Variants in COL19A1 observed in about 807,000 individuals in gnomAD.
COL19A1 encodes the protein collagen type XIX alpha 1 chain.
Under a neutral mutation model 190.2 loss-of-function variants are expected in COL19A1, and 159 were observed. The ratio of observed to expected loss-of-function variants is 0.84; its 90% CI spans 0.73 to 0.95. The LOEUF is 0.95. COL19A1 is among the 40% of genes least tolerant of loss of function. The pLI is 0.00. For missense variants in COL19A1, 1,418 were observed against 1,431.9 expected (o/e 0.99, Z 0.16); for synonymous variants, 509 against 458.9 (o/e 1.11, Z -1.39).
At chr6:70,039,542 C>T (rs1779529090) in intron 14 of COL19A1, among the ~76,000 whole-genome samples, 1 of 152,156 alleles carries the variant, frequency 6.6e-6, no homozygotes, top group Non-Finnish European at 1.5e-5. Context: ...ACACAGAATT[C>T]CAGAAATTCT....
intron 44 of COL19A1, among the ~76,000 whole-genome samples, chr6:70,182,184 C>T (rs1766217220): frequency 6.6e-6 from 1 of 152,104 alleles, no homozygotes; most frequent in Non-Finnish European, 1.5e-5. Context: ...GTGGAAACAG[C>T]CATGAGTAGA....
At chr6:69,979,486 G>A (rs1303556734) in intron 11 of COL19A1, among the ~76,000 whole-genome samples, 1 of 151,744 alleles carries the variant, frequency 6.6e-6, no homozygotes, top group Non-Finnish European at 1.5e-5. Flanking sequence ...AGATCTTCAA[G>A]TAAAATAGGA....
intron 2 of COL19A1, among the ~76,000 whole-genome samples, chr6:69,893,036 C>T (rs1376382562): frequency 6.6e-6 from 1 of 152,188 alleles, no homozygotes; most frequent in Non-Finnish European, 1.5e-5. Context: ...GTATACCTTA[C>T]TCAATTATTA....
At chr6:70,109,277 T>G (rs1184633155) in intron 16 of COL19A1, among the ~76,000 whole-genome samples, 1 of 152,130 alleles carries the variant, frequency 6.6e-6, no homozygotes, top group Non-Finnish European at 1.5e-5. Flanking sequence ...CAGAAGACAT[T>G]CCTTGAGAAG....
chr6:70,095,551 A>T (rs1419543121), intron 15 of COL19A1, among the ~76,000 whole-genome samples: 2 of 152,216 alleles, frequency 1.3e-5, no homozygotes, highest in African/African-American at 4.8e-5. Context: ...TATATAACAT[A>T]AAATGTACCA....
At chr6:69,986,765 G>T (rs1776338441) in intron 11 of COL19A1, among the ~76,000 whole-genome samples, 1 of 152,116 alleles carries the variant, frequency 6.6e-6, no homozygotes, top group South Asian at 2.1e-4. Context: ...TATTTAGAAA[G>T]CCACTGAGCT....
intron 4 of COL19A1, among the ~76,000 whole-genome samples, chr6:69,909,824 A>G (rs144762208): frequency 0.016 from 2,376 of 152,272 alleles, 27 homozygotes; most frequent in Non-Finnish European, 0.025. Flanking sequence ...CATTCAAAAT[A>G]GGTAATAGGC....
chr6:69,953,544 A>G (rs969931056), intron 9 of COL19A1, among the ~76,000 whole-genome samples: 2 of 151,986 alleles, frequency 1.3e-5, no homozygotes, highest in South Asian at 2.1e-4. Context: ...CATAAGAAGG[A>G]CAAAGTAATA....
chr6:70,161,002 A>AGTTAG (rs1787763588), intron 34 of COL19A1, among the ~76,000 whole-genome samples: 1 of 152,164 alleles, frequency 6.6e-6, no homozygotes, highest in Admixed American at 6.5e-5. Flanking sequence ...AAGTAACAAA[A>AGTTAG]CTAATTACAT....
chr6:69,933,512 C>A (rs1191060532), intron 7 of COL19A1, among the ~76,000 whole-genome samples: 1 of 151,994 alleles, frequency 6.6e-6, no homozygotes, highest in East Asian at 1.9e-4. Flanking sequence ...ACATTCCCTG[C>A]CCTCTCTTCA....
At chr6:70,089,357 A>AT (rs1782769974) in intron 15 of COL19A1, among the ~76,000 whole-genome samples, 1 of 152,184 alleles carries the variant, frequency 6.6e-6, no homozygotes, top group Admixed American at 6.6e-5. Flanking sequence ...TTAGGCATGT[A>AT]TTTTTTAGGG....
intron 19 of COL19A1, among the ~76,000 whole-genome samples, chr6:70,138,090 G>A (rs1177768959): frequency 6.6e-6 from 1 of 152,132 alleles, no homozygotes; most frequent in Non-Finnish European, 1.5e-5. Flanking sequence ...AGAACCTAAA[G>A]TTTAAAATCA....
chr6:69,982,111 G>T (rs1193774815), intron 11 of COL19A1, among the ~76,000 whole-genome samples: 1 of 151,986 alleles, frequency 6.6e-6, no homozygotes, highest in Non-Finnish European at 1.5e-5. Context: ...CAAAAATGAA[G>T]ATATAGAAAG....
At chr6:69,927,622 T>C (rs1029122272) in intron 4 of COL19A1, among the ~76,000 whole-genome samples, 12 of 152,224 alleles carry the variant, frequency 7.9e-5, no homozygotes, top group Non-Finnish European at 8.8e-5. Context: ...ATCTCTACTG[T>C]TTGTCAGACT....
chr6:69,947,845 C>T (rs1036397950), intron 9 of COL19A1, among the ~76,000 whole-genome samples: 1 of 151,786 alleles, frequency 6.6e-6, no homozygotes, highest in African/African-American at 2.4e-5. Flanking sequence ...TTCTTTACTC[C>T]TATAGGAATG....
chr6:70,053,173 A>G (rs1018346036), intron 14 of COL19A1, among the ~76,000 whole-genome samples: 1 of 152,150 alleles, frequency 6.6e-6, no homozygotes, highest in South Asian at 2.1e-4. Context: ...TTTACTTACT[A>G]TTATTTGCTT....
At chr6:70,169,015 T>G (rs912837315) in intron 40 of COL19A1, among the ~76,000 whole-genome samples, 1 of 152,042 alleles carries the variant, frequency 6.6e-6, no homozygotes, top group African/African-American at 2.4e-5. Flanking sequence ...TTAAGTAGAT[T>G]GTGGAAGAGA....
intron 9 of COL19A1, among the ~76,000 whole-genome samples, chr6:69,942,218 G>A (rs986383093): frequency 2.0e-5 from 3 of 152,048 alleles, no homozygotes; most frequent in African/African-American, 7.3e-5. Context: ...ATTTCTAAAG[G>A]TGTTAAGATT....
At chr6:70,121,836 T>G (rs767123270) in intron 16 of COL19A1, 44 bp from the exon 17 acceptor site, 1 of 1,190,212 alleles carries the variant, frequency 8.4e-7, no homozygotes, top group East Asian at 2.5e-5. Context: ...TTCATTGTTT[T>G]GGTAAATGTG....
Sources: allele counts gnomAD v4.1 joint callset (sites outside exome capture counted in the v4.1 genomes callset), GRCh38; gene constraint gnomAD v4.1.1; transcripts MANE v1.5; gene names NCBI Gene and HGNC (gene_info 2026-07-23, HGNC 2026-07-21).